ABRAXAS2: variants seen among roughly 807,000 people sequenced by gnomAD.
ABRAXAS2 encodes abraxas 2, BRISC complex subunit.
In ABRAXAS2, 23 loss-of-function variants were observed where a neutral mutation model predicts 49.0. The observed-to-expected ratio is 0.47, with a 90% CI of 0.34 to 0.66. The LOEUF (loss-of-function observed/expected upper bound fraction) is 0.66, where lower values mean the gene tolerates loss of function less well. Among genes scored for constraint, ABRAXAS2 ranks in the 30% least tolerant of loss-of-function variants. The probability of loss-of-function intolerance (pLI) is 0.01; values close to 1 mark genes in which losing one functional copy is unlikely to be tolerated. For missense variants in ABRAXAS2, 443 were observed against 511.9 expected, an observed-to-expected ratio of 0.87 and a Z score of 1.30; for synonymous variants, 168 against 180.2, an observed-to-expected ratio of 0.93 and a Z score of 0.54.
At chr10:124,812,004 C>T (rs1055577154) in intron 2 of ABRAXAS2, among the ~76,000 whole-genome samples, 8 of 152,036 alleles carry the variant, frequency 5.3e-5, no homozygotes, top group Admixed American at 3.3e-4. Context: ...CTTGAACTCC[C>T]GACCTTGGGT....
At chr10:124,810,307 C>T (rs1404328352) in intron 2 of ABRAXAS2, among the ~76,000 whole-genome samples, 1 of 152,146 alleles carries the variant, frequency 6.6e-6, no homozygotes. Context: ...AGGAGGATGG[C>T]TTGAGGCCGG....
At chr10:124,825,262 G>C (rs1950889513) in intron 4 of ABRAXAS2, among the ~76,000 whole-genome samples, 2 of 143,698 alleles carry the variant, frequency 1.4e-5, no homozygotes, top group Middle Eastern at 3.9e-3. Context: ...AGGTTGCTGT[G>C]AGCCGAGATC....
intron 2 of ABRAXAS2, among the ~76,000 whole-genome samples, chr10:124,812,744 C>G (rs1385729937): frequency 6.6e-6 from 1 of 152,150 alleles, no homozygotes; most frequent in African/African-American, 2.4e-5. Flanking sequence ...GAGTAGTATT[C>G]ACTACCAGTT....
intron 4 of ABRAXAS2, among the ~76,000 whole-genome samples, chr10:124,819,778 TA>T (rs934872459): frequency 9.4e-5 from 13 of 138,112 alleles, no homozygotes; most frequent in Admixed American, 2.2e-4. Context: ...CATCTCAACT[TA>T]AAAAAAAAAG....
chr10:124,811,290 A>G (rs1009927462), intron 2 of ABRAXAS2, among the ~76,000 whole-genome samples: 2 of 152,146 alleles, frequency 1.3e-5, no homozygotes, highest in African/African-American at 4.8e-5. Flanking sequence ...TATTGTATGC[A>G]CCTGAGTTTT....
intron 2 of ABRAXAS2, among the ~76,000 whole-genome samples, chr10:124,811,249 T>C (rs1216215720): frequency 6.6e-6 from 1 of 151,818 alleles, no homozygotes; most frequent in African/African-American, 2.4e-5. Flanking sequence ...TAAAACAGAA[T>C]TTTGTTTCAT....
chr10:124,818,685 C>G (rs1950841425), intron 3 of ABRAXAS2, among the ~76,000 whole-genome samples: 1 of 152,074 alleles, frequency 6.6e-6, no homozygotes, highest in Non-Finnish European at 1.5e-5. Flanking sequence ...TGTGGCTTTC[C>G]CAAGCCCATG....
chr10:124,812,508 T>C (rs1950796871), intron 2 of ABRAXAS2, among the ~76,000 whole-genome samples: 1 of 152,118 alleles, frequency 6.6e-6, no homozygotes, highest in African/African-American at 2.4e-5. Flanking sequence ...CTAGGCATGG[T>C]GGCACACACC....
intron 3 of ABRAXAS2, 31 bp downstream of exon 3, chr10:124,816,643 TA>T: frequency 6.6e-7 from 1 of 1,524,096 alleles, no homozygotes; most frequent in Non-Finnish European, 9.1e-7. Flanking sequence ...TAGTCCTTAC[TA>T]AAAGGATTGA....
intron 2 of ABRAXAS2, among the ~76,000 whole-genome samples, chr10:124,815,601 C>T (rs1025165568): frequency 6.6e-6 from 1 of 152,170 alleles, no homozygotes; most frequent in African/African-American, 2.4e-5. Flanking sequence ...ATTAATATAA[C>T]TGAATGGTCA....
chr10:124,813,503 G>T (rs996148775), intron 2 of ABRAXAS2, among the ~76,000 whole-genome samples: 2 of 152,214 alleles, frequency 1.3e-5, no homozygotes, highest in Admixed American at 1.3e-4. Flanking sequence ...GCCGAGAGGC[G>T]ATGTGTACAT....
intron 5 of ABRAXAS2, among the ~76,000 whole-genome samples, chr10:124,827,887 A>G (rs1950906836): frequency 6.6e-6 from 1 of 152,228 alleles, no homozygotes; most frequent in Non-Finnish European, 1.5e-5. Flanking sequence ...GTTAATTGTT[A>G]AAAAGGTTTT....
intron 4 of ABRAXAS2, among the ~76,000 whole-genome samples, chr10:124,825,317 CA>C (rs34358193): frequency 0.2 from 20,514 of 103,580 alleles, 1,525 homozygotes; most frequent in Non-Finnish European, 0.24. Context: ...GACTCTGTCT[CA>C]AAAAAAAAAA....
At chr10:124,829,277 T>C (rs900665330) in intron 6 of ABRAXAS2, 116 bp from the exon 7 acceptor site, 11 of 711,796 alleles carry the variant, frequency 1.5e-5, no homozygotes, top group Non-Finnish European at 2.7e-5. Context: ...CCTTAAACAC[T>C]GTCACCTCGG....
chr10:124,807,065 C>T, intron 2 of ABRAXAS2, 144 bp downstream of exon 2: 2 of 564,576 alleles, frequency 3.5e-6, no homozygotes, highest in South Asian at 4.5e-5. Flanking sequence ...GTAATCCCAG[C>T]ACTTTGGGAG....
At chr10:124,814,373 C>T (rs1328993578) in intron 2 of ABRAXAS2, among the ~76,000 whole-genome samples, 7 of 150,394 alleles carry the variant, frequency 4.7e-5, no homozygotes, top group South Asian at 2.1e-4. Context: ...TTTTTGAGAC[C>T]GAGTCTCACT....
intron 4 of ABRAXAS2, among the ~76,000 whole-genome samples, chr10:124,821,791 T>C (rs527311459): frequency 2.0e-5 from 3 of 152,246 alleles, no homozygotes; most frequent in Admixed American, 2.0e-4. Context: ...GGAGGACAGT[T>C]TTGCAATCAC....
Position 124,808,283 on chromosome 10 carries a change from C to T in ABRAXAS2, c.163+1362C>T, listed in dbSNP as rs188130417. Among the ~76,000 whole-genome samples the T allele has an allele frequency of 3.8e-3, 583 of 152,028 alleles. 9 individuals carry two copies. Among genetic ancestry groups the T allele is most frequent in the African/African-American group, 0.013 (547 of 41,486 alleles). ...CTCCGCCTCCCGGGTTCAGGCCATTCTCCTGCCTCAGCCTCCCGAGTAGCT... is the reference window on the plus strand; with the variant it reads ...CTCCGCCTCCCGGGTTCAGGCCATTTTCCTGCCTCAGCCTCCCGAGTAGCT... On this transcript the variant is annotated intron_variant, in intron 2 of 8. Transcript: ENST00000298492.
At chr10:124,829,334 T>G in intron 6 of ABRAXAS2, 59 bp from the exon 7 acceptor site, 1 of 1,190,226 alleles carries the variant, frequency 8.4e-7, no homozygotes, top group East Asian at 2.3e-5. Flanking sequence ...GAAAAATGCC[T>G]TTCCATTTCA....
Sources: allele counts gnomAD v4.1 joint callset (sites outside exome capture counted in the v4.1 genomes callset), GRCh38; gene constraint gnomAD v4.1.1; transcripts MANE v1.5; gene names NCBI Gene and HGNC (gene_info 2026-07-23, HGNC 2026-07-21).